Variants in RBPMS observed in about 807,000 individuals in gnomAD.
RBPMS encodes the protein RNA-binding protein with multiple splicing.
In RBPMS, 7 loss-of-function variants were observed where a neutral mutation model predicts 26.8. The observed-to-expected ratio is 0.26, with a 90% confidence interval of 0.15 to 0.49. The LOEUF (loss-of-function observed/expected upper bound fraction) is 0.49. RBPMS is among the 20% of genes least tolerant of loss of function. The pLI, the probability that RBPMS is intolerant of heterozygous loss-of-function variation, is 0.98. For synonymous variants in RBPMS, 96 were observed against 93.3 expected, an observed-to-expected ratio of 1.03 and a Z score of -0.17; for missense variants, 186 against 250.0, an observed-to-expected ratio of 0.74 and a Z score of 1.73.
intron 1 of RBPMS, among the ~76,000 whole-genome samples, chr8:30,438,164 C>G (rs1487141037): frequency 3.3e-5 from 5 of 152,158 alleles, no homozygotes; most frequent in African/African-American, 1.2e-4. Context: ...TGCCTGTAAT[C>G]CCAACACTTT....
intron 5 of RBPMS, among the ~76,000 whole-genome samples, chr8:30,538,101 T>C (rs1198214508): frequency 6.6e-6 from 1 of 152,136 alleles, no homozygotes; most frequent in Non-Finnish European, 1.5e-5. Context: ...AGGTCCATGA[T>C]AGAGAGAAAA....
intron 4 of RBPMS, among the ~76,000 whole-genome samples, chr8:30,487,315 T>G (rs1186434947): frequency 1.3e-5 from 2 of 152,240 alleles, no homozygotes; most frequent in Non-Finnish European, 2.9e-5. Flanking sequence ...ACTGGCTTAA[T>G]GCTTCTGATA....
At chr8:30,505,876 T>A (rs958247351) in intron 5 of RBPMS, among the ~76,000 whole-genome samples, 1 of 152,238 alleles carries the variant, frequency 6.6e-6, no homozygotes, top group African/African-American at 2.4e-5. Context: ...AGAGTATTTT[T>A]AGGATGCCTG....
intron 7 of RBPMS, chr8:30,564,824 TC>T: frequency 6.6e-6 from 1 of 151,732 alleles, no homozygotes; most frequent in African/African-American, 2.5e-5. Context: ...TGCCCCCACC[TC>T]CCCCCGCCCA....
At chr8:30,544,652 C>T in intron 6 of RBPMS, 28 bp downstream of exon 6, 1 of 1,612,778 alleles carries the variant, frequency 6.2e-7, no homozygotes, top group Non-Finnish European at 8.5e-7. Flanking sequence ...GCCAGGACTT[C>T]ACTCACTTCA....
At chr8:30,508,823 G>T (rs1295334738) in intron 5 of RBPMS, among the ~76,000 whole-genome samples, 1 of 152,092 alleles carries the variant, frequency 6.6e-6, no homozygotes, top group Non-Finnish European at 1.5e-5. Flanking sequence ...TAATACATAT[G>T]AAATTAATTG....
chr8:30,548,562 A>C (rs1473919155), intron 6 of RBPMS, among the ~76,000 whole-genome samples: 1 of 152,222 alleles, frequency 6.6e-6, no homozygotes, highest in East Asian at 1.9e-4. Flanking sequence ...AAAGGTTTTA[A>C]AATTATAACA....
At chr8:30,420,794 T>C (rs575046380) in intron 1 of RBPMS, among the ~76,000 whole-genome samples, 5 of 152,292 alleles carry the variant, frequency 3.3e-5, no homozygotes, top group South Asian at 2.1e-4. Context: ...TCGTGTTTCA[T>C]GTTGTAGTGT....
intron 5 of RBPMS, among the ~76,000 whole-genome samples, chr8:30,525,197 G>A (rs1052919270): frequency 1.3e-5 from 2 of 152,130 alleles, no homozygotes; most frequent in African/African-American, 4.8e-5. Context: ...CTACTTCCTA[G>A]TTCAAATCCA....
At chr8:30,442,102 T>C (rs2150709961) in intron 1 of RBPMS, among the ~76,000 whole-genome samples, 1 of 152,204 alleles carries the variant, frequency 6.6e-6, no homozygotes, top group Non-Finnish European at 1.5e-5. Flanking sequence ...TTTTATTTTG[T>C]TGTTTCTTTT....
Position 30,384,926 on chromosome 8 carries a change from C to G in RBPMS, c.-167C>G. 1 of 411,650 alleles carries G rather than the reference C, an allele frequency of 2.4e-6. No individual in the cohort carries two copies. 25.5% of individuals were successfully genotyped at this position (411,650 alleles called of 1,614,324 possible). A position where few individuals can be genotyped will look rare whatever the true frequency, so the allele number is the denominator to read the frequency against. On this transcript the variant is annotated 5_prime_UTR_variant, in exon 1 of 9. Coordinates refer to ENST00000397323, the MANE Select transcript of RBPMS (RefSeq NM_001008710.3). This position sits in a 1 kb window ranked among gnomAD's most constrained non-coding sequence, Gnocchi z 5.6. Reference sequence around the variant, plus strand: ...GCAGACTCGCCGCGGGAGCCCCAGCCCAACCCGAGCCCGACAGCCACTGCC... The same window carrying G: ...GCAGACTCGCCGCGGGAGCCCCAGCGCAACCCGAGCCCGACAGCCACTGCC...
chr8:30,557,860 GTTTT>G (rs745482246), intron 6 of RBPMS, among the ~76,000 whole-genome samples: 7 of 152,306 alleles, frequency 4.6e-5, no homozygotes, highest in Non-Finnish European at 7.4e-5. Flanking sequence ...CCTTTTGGGT[GTTTT>G]TTGTTTTGTT....
chr8:30,541,070 G>C (rs916668747), intron 5 of RBPMS, among the ~76,000 whole-genome samples: 2 of 152,164 alleles, frequency 1.3e-5, no homozygotes, highest in Non-Finnish European at 2.9e-5. Flanking sequence ...TAAACCTTGT[G>C]TTACCAACTA....
intron 5 of RBPMS, among the ~76,000 whole-genome samples, chr8:30,526,002 T>C (rs1180167513): frequency 2.0e-5 from 3 of 152,256 alleles, no homozygotes; most frequent in Non-Finnish European, 2.9e-5. Context: ...GTAGCAGTTA[T>C]GGTAACAGAT....
At chr8:30,412,825 C>T (rs1363877677) in intron 1 of RBPMS, among the ~76,000 whole-genome samples, 1 of 152,110 alleles carries the variant, frequency 6.6e-6, no homozygotes, top group African/African-American at 2.4e-5. Flanking sequence ...ACAGACATTT[C>T]CAACAATAGT....
At chr8:30,556,144 C>G in intron 6 of RBPMS, 5 of 985,408 alleles carry the variant, frequency 5.1e-6, no homozygotes, top group Non-Finnish European at 4.8e-6. Flanking sequence ...TAGCCTGAGA[C>G]ACAAGAGCAA....
At chr8:30,414,646 G>T (rs932807581) in intron 1 of RBPMS, among the ~76,000 whole-genome samples, 2 of 151,990 alleles carry the variant, frequency 1.3e-5, no homozygotes, top group Non-Finnish European at 2.9e-5. Flanking sequence ...CACTATCTGT[G>T]GCTCTTTAAT....
chr8:30,556,511 C>T (rs971450162), intron 6 of RBPMS: 2 of 986,112 alleles, frequency 2.0e-6, no homozygotes. Flanking sequence ...CAGCCCTCCC[C>T]CTCCTGTGTC....
chr8:30,473,615 C>T (rs542416822), intron 1 of RBPMS, among the ~76,000 whole-genome samples: 240 of 152,170 alleles, frequency 1.6e-3, no homozygotes, highest in Non-Finnish European at 2.5e-3. Flanking sequence ...AAGGAATATA[C>T]GTCATTCTGT....
Sources: allele counts gnomAD v4.1 joint callset (sites outside exome capture counted in the v4.1 genomes callset), GRCh38; gene constraint gnomAD v4.1.1; non-coding constraint Gnocchi (gnomAD v3.1); transcripts MANE v1.5; gene names NCBI Gene and HGNC (gene_info 2026-07-23, HGNC 2026-07-21).